The following CD109 variants were observed in gnomAD, a reference collection of about 807,000 sequenced individuals.
CD109 encodes CD109 antigen.
A neutral mutation model predicts 165.8 loss-of-function variants in CD109; 149 were observed. The ratio of observed to expected loss-of-function variants is 0.90; its 90% CI spans 0.79 to 1.03. The LOEUF is 1.03. Ranked by LOEUF, CD109 falls within the 50% of genes least tolerant of loss-of-function variation. CD109 has a pLI of 0.00. For missense variants in CD109, 1,712 were observed against 1,677.8 expected (o/e 1.02, Z -0.36); for synonymous variants, 585 against 592.1 (o/e 0.99, Z 0.18).
At position 73,771,368 on chromosome 6, in the gene CD109, A is replaced by C. The variant is rs1443709222; in HGVS notation, c.1675-61A>C. 14 of 1,418,622 alleles carry C rather than the reference A, an allele frequency of 9.9e-6. No individual in the cohort carries two copies. The Admixed American group carries it at 2.3e-4, about 23-fold the overall frequency. The allele number at this position is 1,418,622 out of a possible 1,614,324, so 87.9% of individuals were successfully genotyped here. ...CTATATTTTGGGCCAGTGGTCTGCT[A>C]TTGGCAAGAATATGCTTTAAAAAAG... On this transcript the variant is annotated intron_variant, in intron 14 of 32. Coordinates refer to ENST00000287097, the MANE Select transcript of CD109 (RefSeq NM_133493.5).
chr6:73,778,990 C>T (rs1337733526), intron 15 of CD109, among the ~76,000 whole-genome samples: 1 of 152,080 alleles, frequency 6.6e-6, no homozygotes, highest in Non-Finnish European at 1.5e-5. Flanking sequence ...TTAATTACTT[C>T]ACAATGTTAT....
chr6:73,756,266 G>A (rs1433455316), intron 5 of CD109, among the ~76,000 whole-genome samples: 1 of 152,126 alleles, frequency 6.6e-6, no homozygotes, highest in Non-Finnish European at 1.5e-5. Context: ...CAAATCTGCA[G>A]TTATTTGTTA....
intron 2 of CD109, among the ~76,000 whole-genome samples, chr6:73,721,069 C>T (rs892582662): frequency 2.0e-5 from 3 of 152,228 alleles, no homozygotes. Flanking sequence ...CTTGTCCTAC[C>T]TGTACTATGT....
chr6:73,819,864 G>A (rs1776052421), intron 31 of CD109, among the ~76,000 whole-genome samples: 1 of 152,204 alleles, frequency 6.6e-6, no homozygotes, highest in Non-Finnish European at 1.5e-5. Context: ...TGAGTGTCCA[G>A]TACTCTTTGA....
chr6:73,731,217 T>C (rs1332109830), intron 4 of CD109, among the ~76,000 whole-genome samples: 1 of 152,194 alleles, frequency 6.6e-6, no homozygotes, highest in Non-Finnish European at 1.5e-5. Context: ...TGCCTAAATT[T>C]GAATTTTTAG....
chr6:73,696,335 G>T (rs1451471251), intron 1 of CD109, 46 bp downstream of exon 1: 1 of 1,373,188 alleles, frequency 7.3e-7, no homozygotes, highest in Non-Finnish European at 9.4e-7. Context: ...GCGGGCCTGG[G>T]CCGCTCTGCG....
rs756116265 is a variant in CD109 at position 73,818,394 on chromosome 6, G to A, written c.3918G>A (p.Ser1306=). ...HVDLNVCTSF[S]GPGRSGMALM... ...TCCTCCCTCTTTGATTTAGCTTTTCGGGCCCGGGTAGGAGTGGCATGGCTC... is the reference window on the plus strand; with the variant it reads ...TCCTCCCTCTTTGATTTAGCTTTTCAGGCCCGGGTAGGAGTGGCATGGCTC... The change falls in exon 31 of 33, where the codon TCG becomes TCA. Residue 1306 remains serine, a synonymous_variant. Coordinates refer to ENST00000287097, the MANE Select transcript of CD109 (RefSeq NM_133493.5). 16 of 1,613,416 alleles carry A rather than the reference G, an allele frequency of 9.9e-6. No homozygotes were observed. The East Asian group carries it at 2.2e-4, about 22-fold the overall frequency.
chr6:73,762,503 A>G (rs1161751055), intron 8 of CD109, 23 bp downstream of exon 8: 5 of 1,410,864 alleles, frequency 3.5e-6, no homozygotes, highest in Admixed American at 1.7e-5. Context: ...GACACTTTAT[A>G]ACTTGTGATG....
chr6:73,797,733 T>C (rs1775215301), intron 23 of CD109, among the ~76,000 whole-genome samples: 1 of 152,182 alleles, frequency 6.6e-6, no homozygotes, highest in African/African-American at 2.4e-5. Context: ...TTTTTATCTT[T>C]ATTATAATAA....
At chr6:73,796,843 CTGG>C (rs1373880557) in intron 23 of CD109, among the ~76,000 whole-genome samples, 3 of 152,132 alleles carry the variant, frequency 2.0e-5, no homozygotes, top group East Asian at 1.9e-4. Context: ...ACTCTTTTTG[CTGG>C]TGAAGTGGCT....
the CD109 span, among the ~76,000 whole-genome samples, chr6:73,681,066 T>G: frequency 6.6e-6 from 1 of 152,208 alleles, no homozygotes; most frequent in Non-Finnish European, 1.5e-5. Context: ...AGCTTTTCAG[T>G]GGCCCATCTG....
chr6:73,708,135 C>A (rs1222741913), intron 2 of CD109, among the ~76,000 whole-genome samples: 1 of 151,892 alleles, frequency 6.6e-6, no homozygotes, highest in Non-Finnish European at 1.5e-5. Flanking sequence ...TCTCCTAATA[C>A]TATCCCTTCC....
chr6:73,778,757 T>C (rs2150246213), intron 15 of CD109, among the ~76,000 whole-genome samples: 1 of 152,298 alleles, frequency 6.6e-6, no homozygotes, highest in Non-Finnish European at 1.5e-5. Context: ...AAATAGTGGT[T>C]GCAGGTGTTT....
chr6:73,747,524 G>A (rs951566658), intron 5 of CD109, among the ~76,000 whole-genome samples: 12 of 152,138 alleles, frequency 7.9e-5, no homozygotes, highest in Non-Finnish European at 1.8e-4. Context: ...AAGTTCACCC[G>A]AAGGCATGGT....
chr6:73,712,325 T>TTAG (rs1408835577), intron 2 of CD109, among the ~76,000 whole-genome samples: 1 of 152,228 alleles, frequency 6.6e-6, no homozygotes, highest in African/African-American at 2.4e-5. Flanking sequence ...GGAAAAAAAT[T>TTAG]TAGTAACTTG....
chr6:73,748,829 TAATA>T (rs1043183394), intron 5 of CD109, among the ~76,000 whole-genome samples: 2 of 152,216 alleles, frequency 1.3e-5, no homozygotes, highest in Non-Finnish European at 2.9e-5. Flanking sequence ...ATGTAAATGT[TAATA>T]AACATTTTCT....
chr6:73,742,590 C>G (rs1478467279), intron 5 of CD109, among the ~76,000 whole-genome samples: 3 of 152,224 alleles, frequency 2.0e-5, no homozygotes, highest in Admixed American at 6.5e-5. Flanking sequence ...CACTGGTGCT[C>G]ATGTTCCTCC....
intron 15 of CD109, among the ~76,000 whole-genome samples, chr6:73,779,900 T>A (rs1032053209): frequency 1.3e-5 from 2 of 152,192 alleles, no homozygotes; most frequent in Non-Finnish European, 2.9e-5. Flanking sequence ...ATCTCATTTT[T>A]GAAAAAACCG....
chr6:73,801,713 T>C (rs573632048), intron 23 of CD109, among the ~76,000 whole-genome samples: 6 of 152,354 alleles, frequency 3.9e-5, no homozygotes, highest in African/African-American at 1.2e-4. Flanking sequence ...GAATTTTACT[T>C]ATAGTTCTGG....
Sources: allele counts gnomAD v4.1 joint callset (sites outside exome capture counted in the v4.1 genomes callset), GRCh38; gene constraint gnomAD v4.1.1; transcripts MANE v1.5; gene names NCBI Gene and HGNC (gene_info 2026-07-23, HGNC 2026-07-21).